Variants in IL1RAP observed in about 807,000 individuals in gnomAD.
The protein encoded by IL1RAP is interleukin-1 receptor accessory protein.
A neutral mutation model predicts 60.7 loss-of-function variants in IL1RAP; 35 were observed. The ratio of observed to expected loss-of-function variants is 0.58; its 90% CI spans 0.44 to 0.76. The LOEUF is 0.76. Ranked by LOEUF, IL1RAP falls within the 30% of genes least tolerant of loss-of-function variation. The pLI is 0.00. For missense variants in IL1RAP, 572 were observed against 693.9 expected (o/e 0.82, Z 1.97); for synonymous variants, 268 against 250.9 (o/e 1.07, Z -0.64).
intron 8 of IL1RAP, 121 bp downstream of exon 8, chr3:190,627,570 G>A: frequency 7.8e-7 from 1 of 1,289,460 alleles, no homozygotes; most frequent in East Asian, 2.6e-5. Context: ...ACAAAAATCG[G>A]CAAGATTTTC....
chr3:190,585,155 A>G (rs967652542), intron 3 of IL1RAP, among the ~76,000 whole-genome samples: 1 of 152,202 alleles, frequency 6.6e-6, no homozygotes, highest in Non-Finnish European at 1.5e-5. Context: ...ACAAACTGTA[A>G]CAAAGTGGCT....
chr3:190,567,214 C>G (rs1001961749), intron 3 of IL1RAP, among the ~76,000 whole-genome samples: 1 of 152,150 alleles, frequency 6.6e-6, no homozygotes, highest in African/African-American at 2.4e-5. Context: ...ATCCCCTTAT[C>G]CCCTCAGGAA....
intron 1 of IL1RAP, among the ~76,000 whole-genome samples, chr3:190,536,621 T>C (rs1354724107): frequency 1.3e-5 from 2 of 152,182 alleles, no homozygotes; most frequent in Non-Finnish European, 2.9e-5. Context: ...ATGCCATCCA[T>C]AGGGACATGG....
intron 5 of IL1RAP, among the ~76,000 whole-genome samples, chr3:190,619,053 T>A: frequency 6.6e-6 from 1 of 152,220 alleles, no homozygotes; most frequent in East Asian, 1.9e-4. Flanking sequence ...AGTAGTAGAC[T>A]CCCAGAAATT....
intron 3 of IL1RAP, among the ~76,000 whole-genome samples, chr3:190,574,583 A>G (rs766740007): frequency 3.9e-5 from 6 of 152,250 alleles, no homozygotes; most frequent in Admixed American, 2.0e-4. Flanking sequence ...TAAGGGACTC[A>G]GTCAAGGATG....
chr3:190,535,069 T>C (rs1723329130), intron 1 of IL1RAP, among the ~76,000 whole-genome samples: 1 of 152,174 alleles, frequency 6.6e-6, no homozygotes, highest in African/African-American at 2.4e-5. Context: ...GCAGGGTATA[T>C]GGATTTCCTG....
At chr3:190,605,128 A>G (rs1382126791) in intron 4 of IL1RAP, among the ~76,000 whole-genome samples, 1 of 152,130 alleles carries the variant, frequency 6.6e-6, no homozygotes, top group Non-Finnish European at 1.5e-5. Flanking sequence ...ATGTATGACA[A>G]TGCTTTTTAA....
chr3:190,532,514 G>A (rs1485209565), intron 1 of IL1RAP, among the ~76,000 whole-genome samples: 3 of 152,024 alleles, frequency 2.0e-5, no homozygotes, highest in South Asian at 4.2e-4. Flanking sequence ...TGCCCGCCTC[G>A]GCCTCCCAAA....
chr3:190,530,099 AC>A (rs1722864853), intron 1 of IL1RAP, among the ~76,000 whole-genome samples: 1 of 152,184 alleles, frequency 6.6e-6, no homozygotes, highest in Non-Finnish European at 1.5e-5. Context: ...AACAGAAGTG[AC>A]TTTTATCTTA....
exon 12 of IL1RAP, chr3:190,658,565 C>T (rs933732904): frequency 2.6e-5 from 4 of 152,184 alleles, no homozygotes; most frequent in African/African-American, 9.7e-5. Flanking sequence ...GTCTGCTACT[C>T]CTGAACATGA....
intron 3 of IL1RAP, among the ~76,000 whole-genome samples, chr3:190,603,015 A>C (rs1729989158): frequency 6.6e-6 from 1 of 152,166 alleles, no homozygotes; most frequent in African/African-American, 2.4e-5. Context: ...ATAAAGAAAA[A>C]ATTCTTTAAA....
At chr3:190,624,653 G>A (rs2193877) in intron 7 of IL1RAP, 140,922 of 206,078 alleles carry the variant, frequency 0.68, 49,036 homozygotes, top group East Asian at 0.82. Context: ...GTATGTAGTT[G>A]TTCATGGAAA....
Position 190,629,510 on chromosome 3 carries a change from G to A in IL1RAP, c.1051+12G>A, listed in dbSNP as rs775997818. 6.3e-5 allele frequency: 101 copies of A among 1,600,636 alleles called. No homozygotes were observed. The highest frequency in any genetic ancestry group is 1.7e-4 in the Middle Eastern group (1 of 5,992). On this transcript the variant is annotated intron_variant, in intron 9 of 11. Transcript: ENST00000447382. ...GGTGAAGCAGAAAGGTAATAGATGCGGTCAGTGATGAATCTCTCAGCTCCA... is the reference window on the plus strand; with the variant it reads ...GGTGAAGCAGAAAGGTAATAGATGCAGTCAGTGATGAATCTCTCAGCTCCA...
chr3:190,586,383 G>C (rs4687154), intron 3 of IL1RAP, among the ~76,000 whole-genome samples: 140,485 of 152,192 alleles, frequency 0.92, 64,972 homozygotes, highest in African/African-American at 0.98. Context: ...CATGCCATAA[G>C]CCACAGTTCA....
At chr3:190,542,127 A>G (rs968327349) in intron 1 of IL1RAP, among the ~76,000 whole-genome samples, 2 of 152,134 alleles carry the variant, frequency 1.3e-5, no homozygotes, top group African/African-American at 4.8e-5. Flanking sequence ...GGATTTTACT[A>G]TTGTAGATTT....
At chr3:190,571,290 T>C (rs1436262358) in intron 3 of IL1RAP, among the ~76,000 whole-genome samples, 1 of 151,920 alleles carries the variant, frequency 6.6e-6, no homozygotes, top group Non-Finnish European at 1.5e-5. Context: ...GGTGGGGAGA[T>C]TGCTTGAGGC....
chr3:190,602,777 G>T (rs568592071), intron 3 of IL1RAP, among the ~76,000 whole-genome samples: 1 of 152,264 alleles, frequency 6.6e-6, no homozygotes, highest in Non-Finnish European at 1.5e-5. Flanking sequence ...AGAAGTTTTA[G>T]ATGTCAATGG....
chr3:190,601,733 G>A (rs1729878035), intron 3 of IL1RAP, among the ~76,000 whole-genome samples: 2 of 151,966 alleles, frequency 1.3e-5, no homozygotes, highest in African/African-American at 2.4e-5. Context: ...TATCTTGTGC[G>A]GCTCAGCTCG....
At chr3:190,547,128 G>T (rs1724443003) in intron 1 of IL1RAP, among the ~76,000 whole-genome samples, 5 of 152,146 alleles carry the variant, frequency 3.3e-5, no homozygotes, top group Non-Finnish European at 7.3e-5. Context: ...TGAAATTAGG[G>T]TTACTTGAGT....
Sources: gnomAD v4.1 joint callset for allele counts (sites outside exome capture counted in the v4.1 genomes callset) on GRCh38, gnomAD v4.1.1 for gene constraint, MANE v1.5 for transcripts, NCBI Gene and HGNC (gene_info 2026-07-23, HGNC 2026-07-21) for gene names.